Variants in AQR observed in about 807,000 individuals in gnomAD.
AQR encodes the protein RNA helicase aquarius.
Under a neutral mutation model 180.5 loss-of-function variants are expected in AQR, and 61 were observed. The ratio of observed to expected loss-of-function variants is 0.34; its 90% confidence interval spans 0.28 to 0.42. The LOEUF (loss-of-function observed/expected upper bound fraction) is 0.42. Ranked by LOEUF, AQR falls within the 10% of genes least tolerant of loss-of-function variation. AQR has a pLI of 1.00. For missense variants in AQR, 1,281 were observed against 1,798.3 expected, an observed-to-expected ratio of 0.71 and a Z score of 5.20; for synonymous variants, 551 against 588.8, an observed-to-expected ratio of 0.94 and a Z score of 0.93.
chr15:34,854,633 C>T lies in AQR; in HGVS notation c.*2159G>A, dbSNP rs1448119856. 6.6e-6 allele frequency: 1 copy of T among 152,184 alleles called. No individual in the cohort carries two copies. Among genetic ancestry groups the T allele is most frequent in the Non-Finnish European group, 1.5e-5 (1 of 68,034 alleles). The allele number at this position is 152,184 out of a possible 1,614,324, so 9.4% of individuals were successfully genotyped here. A position where few individuals can be genotyped will look rare whatever the true frequency, so the allele number is the denominator to read the frequency against. On this transcript the variant is annotated 3_prime_UTR_variant, in exon 35 of 35. Coordinates refer to ENST00000156471, the MANE Select transcript of AQR (RefSeq NM_014691.3). The stretch of plus-strand genomic sequence containing the variant: ...ATAAACCGTTTAAAAGAATTCAAAT[C>T]CCACCACCTTTACCCTTTCTAAATT...
chr15:34,907,016 T>C (rs1893428760), intron 17 of AQR, among the ~76,000 whole-genome samples: 1 of 152,226 alleles, frequency 6.6e-6, no homozygotes, highest in Non-Finnish European at 1.5e-5. Flanking sequence ...ATGTTCGTCA[T>C]CATTCTTATT....
chr15:34,867,797 C>A, intron 31 of AQR, 188 bp from the exon 32 acceptor site: 1 of 497,608 alleles, frequency 2.0e-6, no homozygotes, highest in Non-Finnish European at 3.5e-6. Flanking sequence ...TCAGATCAAA[C>A]TACATCCTTA....
chr15:34,863,072 C>G (rs1210346044), intron 32 of AQR, 31 bp from the exon 33 acceptor site: 5 of 1,566,252 alleles, frequency 3.2e-6, no homozygotes, highest in Non-Finnish European at 4.3e-6. Context: ...AATTAGCACA[C>G]TTCAAGATTA....
intron 34 of AQR, among the ~76,000 whole-genome samples, chr15:34,858,642 TA>T (rs889887576): frequency 2.1e-4 from 32 of 152,164 alleles, no homozygotes; most frequent in African/African-American, 7.7e-4. Context: ...AGACAATTTC[TA>T]AAATGAAGAA....
chr15:34,861,461 C>T (rs1417802156), intron 33 of AQR, among the ~76,000 whole-genome samples: 1 of 152,192 alleles, frequency 6.6e-6, no homozygotes, highest in African/African-American at 2.4e-5. Flanking sequence ...CTAACCTCCC[C>T]AGGGCCTTGA....
At chr15:34,944,698 C>T (rs1036185416) in intron 5 of AQR, among the ~76,000 whole-genome samples, 1 of 152,062 alleles carries the variant, frequency 6.6e-6, no homozygotes, top group African/African-American at 2.4e-5. Context: ...GTGGATTATG[C>T]CTGTATTTAG....
At position 34,904,517 on chromosome 15, in the gene AQR, GAA is replaced by G; in HGVS notation, c.1832-14_1832-13del. The G allele has an allele frequency of 6.3e-7, 1 of 1,583,560 alleles. No homozygotes were observed. The highest frequency in any genetic ancestry group is 8.5e-7 in the Non-Finnish European group (1 of 1,170,084). ...TCTGGGTTCAGGTCCTGGACAATTT[GAA>G]AAAGTTTGTTAAATAAAATATGTAT... On this transcript the variant is annotated splice_polypyrimidine_tract_variant and intron_variant, in intron 18 of 34. Transcript: ENST00000156471.
At position 34,874,141 on chromosome 15, in the gene AQR, C is replaced by T. The variant is rs1344087473; in HGVS notation, c.3426-142G>A. 3.9e-5 allele frequency: 30 copies of T among 773,088 alleles called. No homozygotes were observed. In the Admixed American group the frequency reaches 1.0e-3, roughly 26 times the overall value. The allele number at this position is 773,088 out of a possible 1,614,324, so 47.9% of individuals were successfully genotyped here. A position where few individuals can be genotyped will look rare whatever the true frequency, so the allele number is the denominator to read the frequency against. On this transcript the variant is annotated intron_variant, in intron 29 of 34. Transcript: ENST00000156471. ...TTGGCTCATCTTTTAAGCAATAATG[C>T]TCTTTCAACCTTAGCTTCCCTACTT...
At position 34,855,534 on chromosome 15, in the gene AQR, T is replaced by C. The variant is rs1210229613; in HGVS notation, c.*1258A>G. 3 of 143,916 alleles carry C rather than the reference T, an allele frequency of 2.1e-5. No individual in the cohort carries two copies. In the East Asian group the frequency reaches 5.8e-4, roughly 28 times the overall value. 8.9% of individuals were successfully genotyped at this position (143,916 alleles called of 1,614,324 possible). A position where few individuals can be genotyped will look rare whatever the true frequency, so the allele number is the denominator to read the frequency against. ...ACACATACATATAAACATTTCCTTT[T>C]TTTTTTTTTTTTTTCCAGTTCTGGG... On this transcript the variant is annotated 3_prime_UTR_variant, in exon 35 of 35. Coordinates refer to ENST00000156471, the MANE Select transcript of AQR (RefSeq NM_014691.3).
At chr15:34,913,591 T>A (rs1893532316) in intron 16 of AQR, among the ~76,000 whole-genome samples, 2 of 152,214 alleles carry the variant, frequency 1.3e-5, no homozygotes, top group Non-Finnish European at 1.5e-5. Flanking sequence ...ATTTTTTTTA[T>A]TAACAGACCA....
intron 32 of AQR, 153 bp from the exon 33 acceptor site, chr15:34,863,194 T>G: frequency 1.5e-6 from 1 of 679,486 alleles, no homozygotes; most frequent in South Asian, 2.4e-5. Context: ...TAATCAATGT[T>G]ACGTGACTAA....
chr15:34,897,776 C>T (rs1422418929), intron 20 of AQR, 71 bp from the exon 21 acceptor site: 8 of 1,472,156 alleles, frequency 5.4e-6, no homozygotes, highest in Non-Finnish European at 6.6e-6. Flanking sequence ...TGGTGCATGA[C>T]ATTGTATGCA....
At chr15:34,963,117 C>T (rs749499305) in intron 2 of AQR, among the ~76,000 whole-genome samples, 3 of 152,260 alleles carry the variant, frequency 2.0e-5, no homozygotes, top group South Asian at 4.2e-4. Context: ...GCAATTGATA[C>T]TACATGTGTG....
chr15:34,857,258 G>C, intron 34 of AQR, 152 bp from the exon 35 acceptor site: 1 of 661,822 alleles, frequency 1.5e-6, no homozygotes, highest in Non-Finnish European at 2.4e-6. Context: ...TCTAGGTTCT[G>C]CTAACACCAA....
At chr15:34,888,279 C>T (rs1244222234) in intron 24 of AQR, among the ~76,000 whole-genome samples, 2 of 151,978 alleles carry the variant, frequency 1.3e-5, no homozygotes, top group Non-Finnish European at 2.9e-5. Flanking sequence ...GCCTGGGTGA[C>T]AGAGTGAGAC....
intron 5 of AQR, among the ~76,000 whole-genome samples, chr15:34,947,133 G>C (rs1894140021): frequency 6.6e-6 from 1 of 151,662 alleles, no homozygotes; most frequent in Non-Finnish European, 1.5e-5. Context: ...GAAAGAGGTA[G>C]ACATGGGAGA....
At chr15:34,957,549 A>C (rs1260185674) in intron 3 of AQR, among the ~76,000 whole-genome samples, 1 of 151,554 alleles carries the variant, frequency 6.6e-6, no homozygotes, top group African/African-American at 2.4e-5. Context: ...TAAAAATATA[A>C]AATTAGCCAG....
Position 34,882,614 on chromosome 15 carries a change from C to T in AQR, c.3053G>A (p.Arg1018Gln), listed in dbSNP as rs370660482. The change falls in exon 27 of 35, where the codon CGA becomes CAA. Residue 1018 changes from arginine (R) to glutamine (Q), a missense_variant. This residue lies in a region of AQR where 125 missense variants were observed against 185.0 expected (regional missense o/e 0.68). Transcript: ENST00000156471. ...LEEFRASELL[R>Q]SGLDRSKYLL... ...GTATTTAGATCTGTCCAGTCCACTT[C>T]GAAGCAATTCAGAGGCTCTGAATTC... The T allele has an allele frequency of 1.4e-5, 23 of 1,603,592 alleles. No individual in the cohort carries two copies. The highest frequency in any genetic ancestry group is 1.1e-4 in the African/African-American group (8 of 74,454).
At position 34,915,139 on chromosome 15, in the gene AQR, A is replaced by C; in HGVS notation, c.1383T>G (p.Thr461=). The stretch of plus-strand genomic sequence containing the variant: ...AGTTCCTTAGCAGGTAGTCATGAAG[A>C]GTCAAAAACTGCAAATTCAATTTGG... ...ALPKLNLQFL[T]LHDYLLRNFN... The change falls in exon 16 of 35, where the codon ACT becomes ACG. Residue 461 remains threonine, a synonymous_variant. Transcript: ENST00000156471. 1 of 1,605,960 alleles carries C rather than the reference A, an allele frequency of 6.2e-7. No homozygotes were observed. The highest frequency in any genetic ancestry group is 1.3e-5 in the African/African-American group (1 of 74,552).
Sources: gnomAD v4.1 joint callset for allele counts (sites outside exome capture counted in the v4.1 genomes callset) on GRCh38, gnomAD v4.1.1 for gene constraint, gnomAD v4.1.1 regional missense constraint, MANE v1.5 for transcripts, NCBI Gene and HGNC (gene_info 2026-07-23, HGNC 2026-07-21) for gene names.